The following SVIL variants were observed in gnomAD, a reference collection of about 807,000 sequenced individuals.
SVIL encodes the protein supervillin.
A neutral mutation model predicts 240.4 loss-of-function variants in SVIL; 101 were observed. That is an observed-to-expected ratio of 0.42 (90% CI 0.36 to 0.50). SVIL has a LOEUF of 0.50. SVIL is among the 20% of genes least tolerant of loss of function. The probability of loss-of-function intolerance (pLI) is 0.01; values close to 1 mark genes in which losing one functional copy is unlikely to be tolerated. For missense variants in SVIL, 2,512 were observed against 2,818.7 expected, an observed-to-expected ratio of 0.89 and a Z score of 2.46; for synonymous variants, 999 against 1,100.0, an observed-to-expected ratio of 0.91 and a Z score of 1.82.
chr10:29,535,355 G>T (rs1037643297), intron 7 of SVIL, among the ~76,000 whole-genome samples: 1 of 152,192 alleles, frequency 6.6e-6, no homozygotes, highest in Non-Finnish European at 1.5e-5. Context: ...CCTGATCAGA[G>T]ACAATCTGAA....
In SVIL at chr10:29,465,605, C is replaced by A; in HGVS notation, c.6123G>T (p.Ala2041=). 15 of 1,609,232 alleles carry A rather than the reference C, an allele frequency of 9.3e-6. No individual in the cohort carries two copies. Among genetic ancestry groups the A allele is most frequent in the Non-Finnish European group, 1.2e-5 (14 of 1,177,498 alleles). ...MPFLQEDLYS[A]PQPALFLVDN... is the part of the protein sequence containing the mutation. ...CCCTGCAGGCCTTACCTGGCTGGGG[C>A]GCGCTGTACAGATCTTCCTGCAGGA... The change falls in exon 34 of 38, where the codon GCG becomes GCT. Residue 2041 remains alanine (A), a synonymous_variant. Coordinates refer to ENST00000355867, the MANE Select transcript of SVIL (RefSeq NM_021738.3).
chr10:29,589,726 G>A (rs1398170451), intron 1 of SVIL, among the ~76,000 whole-genome samples: 2 of 152,138 alleles, frequency 1.3e-5, no homozygotes, highest in African/African-American at 4.8e-5. Context: ...TGGAGTTGCC[G>A]AGAGACCTTG....
intron 3 of SVIL, among the ~76,000 whole-genome samples, chr10:29,653,092 A>C (rs1418061541): frequency 1.3e-5 from 2 of 151,918 alleles, no homozygotes; most frequent in South Asian, 2.1e-4. Context: ...GGCCTCCCAA[A>C]GTGCCAGGAT....
At chr10:29,527,918 G>A (rs542353068) in intron 12 of SVIL, among the ~76,000 whole-genome samples, 1 of 151,474 alleles carries the variant, frequency 6.6e-6, no homozygotes, top group South Asian at 2.1e-4. Flanking sequence ...TAGTAGGGAC[G>A]GGGTTTCACC....
intron 3 of SVIL, chr10:29,644,138 G>A: frequency 7.1e-6 from 3 of 421,176 alleles, no homozygotes; most frequent in Non-Finnish European, 1.4e-5. Context: ...CATGGAGGCT[G>A]CTGCTCAAAT....
intron 1 of SVIL, among the ~76,000 whole-genome samples, chr10:29,624,070 T>TC (rs1163592704): frequency 6.6e-6 from 1 of 151,234 alleles, no homozygotes; most frequent in Non-Finnish European, 1.5e-5. Context: ...ATGTGACTTT[T>TC]CCTCACATGC....
At chr10:29,674,948 C>T (rs186785476) in intron 2 of SVIL, among the ~76,000 whole-genome samples, 93 of 152,314 alleles carry the variant, frequency 6.1e-4, no homozygotes, top group Non-Finnish European at 9.8e-4. Context: ...AGGACCTTTG[C>T]GATTACAAAA....
At chr10:29,606,791 G>C (rs1957040449) in intron 1 of SVIL, among the ~76,000 whole-genome samples, 1 of 152,020 alleles carries the variant, frequency 6.6e-6, no homozygotes, top group Non-Finnish European at 1.5e-5. Flanking sequence ...GTCTTGTTCT[G>C]TCGCCCAGGC....
At chr10:29,502,900 C>T (rs1949011692) in intron 17 of SVIL, among the ~76,000 whole-genome samples, 1 of 152,116 alleles carries the variant, frequency 6.6e-6, no homozygotes, top group Non-Finnish European at 1.5e-5. Context: ...CAATGTTTCT[C>T]ACGCAGGGAT....
chr10:29,481,492 C>T lies in SVIL; in HGVS notation c.5100+92G>A, dbSNP rs1446598530. ...TGATACATCTGGGGTGACAGCCATA[C>T]GAACTATCCTGATTTGATCATTTTA... On this transcript the variant is annotated intron_variant, in intron 28 of 37. Transcript: ENST00000355867. 1.5e-5 allele frequency: 22 copies of T among 1,511,704 alleles called. 1 individual carries two copies. In the Middle Eastern group the frequency reaches 7.0e-4, roughly 48 times the overall value. The allele number at this position is 1,511,704 out of a possible 1,614,324, so 93.6% of individuals were successfully genotyped here.
intron 1 of SVIL, among the ~76,000 whole-genome samples, chr10:29,601,984 T>C (rs1418994513): frequency 6.6e-6 from 1 of 152,214 alleles, no homozygotes; most frequent in East Asian, 1.9e-4. Flanking sequence ...TACCAGTTCA[T>C]TGCTTGTTGG....
rs199607268 is a variant in SVIL at position 29,522,509 on chromosome 10, C to T, written c.3290G>A (p.Cys1097Tyr). The T allele has an allele frequency of 1.9e-5, 31 of 1,614,116 alleles. No individual in the cohort carries two copies. The highest frequency in any genetic ancestry group is 2.5e-5 in the Non-Finnish European group (29 of 1,180,054). The change falls in exon 16 of 38, where the codon TGC becomes TAC. Residue 1097 changes from cysteine to tyrosine, a missense_variant. Physicochemically the swap from Cys to Tyr is radical, Grantham distance 194. Transcript: ENST00000355867. ...DSSEQPQEKLCKNPCAMFAAG... is the reference protein window; with the variant it reads ...DSSEQPQEKLYKNPCAMFAAG... The stretch of plus-strand genomic sequence containing the variant: ...AGCAAACATCGCACATGGATTCTTG[C>T]AGAGCTTCTCCTGTGGCTGTTCCGA...
intron 5 of SVIL, among the ~76,000 whole-genome samples, chr10:29,551,775 G>GT (rs1012217236): frequency 4.6e-4 from 62 of 135,978 alleles, no homozygotes; most frequent in African/African-American, 1.5e-3. Context: ...TTACAGAAGT[G>GT]TTTTTTTTCC....
chr10:29,550,019 T>TAAAAAAAAAA (rs11339067), intron 6 of SVIL, among the ~76,000 whole-genome samples: 1 of 70,246 alleles, frequency 1.4e-5, no homozygotes, highest in African/African-American at 5.3e-5. Context: ...ACTTAAAGTA[T>TAAAAAAAAAA]AAAAAAAAAA....
At chr10:29,554,261 A>C (rs1953689564) in intron 5 of SVIL, among the ~76,000 whole-genome samples, 2 of 152,076 alleles carry the variant, frequency 1.3e-5, no homozygotes, top group Admixed American at 6.5e-5. Context: ...CAGTGAGCTT[A>C]TCAGGCCACT....
intron 1 of SVIL, among the ~76,000 whole-genome samples, chr10:29,573,053 CCTTT>C (rs1171804664): frequency 6.6e-6 from 1 of 151,632 alleles, no homozygotes; most frequent in African/African-American, 2.4e-5. Flanking sequence ...TTCCTTTTCT[CCTTT>C]TTTTTCAACA....
At chr10:29,565,398 T>C (rs552747578) in intron 2 of SVIL, among the ~76,000 whole-genome samples, 1 of 152,282 alleles carries the variant, frequency 6.6e-6, no homozygotes, top group South Asian at 2.1e-4. Context: ...TGATGGCAGG[T>C]CAGAAACCAA....
chr10:29,483,412 A>G (rs1467358852), intron 27 of SVIL: 8 of 152,284 alleles, frequency 5.3e-5, no homozygotes, highest in Admixed American at 5.2e-4. Context: ...TAAAATCCCT[A>G]GGAGCTTTTA....
At chr10:29,527,865 A>C (rs899535270) in intron 12 of SVIL, among the ~76,000 whole-genome samples, 2 of 150,794 alleles carry the variant, frequency 1.3e-5, no homozygotes. Flanking sequence ...AGCTGGGATT[A>C]CAGGCGTGCG....
Sources: gnomAD v4.1 joint callset for allele counts (sites outside exome capture counted in the v4.1 genomes callset) on GRCh38, gnomAD v4.1.1 for gene constraint, MANE v1.5 for transcripts, NCBI Gene and HGNC (gene_info 2026-07-23, HGNC 2026-07-21) for gene names.